SFXN5: variants seen among roughly 807,000 people sequenced by gnomAD.
The protein encoded by SFXN5 is sideroflexin 5.
In SFXN5, 43 loss-of-function variants were observed where a neutral mutation model predicts 50.2. The ratio of observed to expected loss-of-function variants is 0.86; its 90% CI spans 0.67 to 1.11. The LOEUF (loss-of-function observed/expected upper bound fraction) is 1.11, where lower values mean the gene tolerates loss of function less well. SFXN5 is among the 50% of genes least tolerant of loss of function. SFXN5 has a pLI of 0.00. For missense variants in SFXN5, 463 were observed against 454.1 expected (o/e 1.02, Z -0.18); for synonymous variants, 203 against 185.8 (o/e 1.09, Z -0.75).
Position 73,047,251 on chromosome 2 carries a change from T to A in SFXN5, c.172-6320A>T, listed in dbSNP as rs1376130410. On this transcript the variant is annotated intron_variant, in intron 2 of 13. Transcript: ENST00000272433. ...AAAAAAAAAAAAAAAAAAAAATATA[T>A]ATATATATATATATATATATATATA... 2.3e-3 allele frequency among the ~76,000 whole-genome samples: 63 copies of A among 27,576 alleles called. 1 individual carries two copies. The highest frequency in any genetic ancestry group is 4.3e-3 in the Non-Finnish European group (54 of 12,690). 18.1% of individuals were successfully genotyped at this position (27,576 alleles called of 152,430 possible). A position where few individuals can be genotyped will look rare whatever the true frequency, so the allele number is the denominator to read the frequency against.
chr2:73,051,121 T>A (rs1387571474), intron 2 of SFXN5, among the ~76,000 whole-genome samples: 2 of 152,172 alleles, frequency 1.3e-5, no homozygotes. Context: ...TCATACCTTA[T>A]CAGAAGGGTC....
chr2:73,024,891 C>T (rs906330826), intron 3 of SFXN5, among the ~76,000 whole-genome samples: 3 of 152,150 alleles, frequency 2.0e-5, no homozygotes, highest in Admixed American at 6.5e-5. Context: ...AAAATTGATA[C>T]ATTAAAGTTT....
At chr2:73,070,649 C>T (rs2106084558) in intron 1 of SFXN5, 1 of 152,148 alleles carries the variant, frequency 6.6e-6, no homozygotes, top group South Asian at 2.1e-4. Flanking sequence ...CGGCTCCGGT[C>T]TCCGGGCCCA....
Position 72,945,236 on chromosome 2 carries a change from C to T in SFXN5, c.946-137G>A. On this transcript the variant is annotated intron_variant, in intron 13 of 13. Coordinates refer to ENST00000272433, the MANE Select transcript of SFXN5 (RefSeq NM_144579.3). This position sits in a 1 kb window ranked among gnomAD's most constrained non-coding sequence, Gnocchi z 5.8. Reference sequence around the variant, plus strand: ...CCGTGTCCACCCCAGCCAGGGCTCACATGCCCTACCTAGTGACACATCTTC... The same window carrying T: ...CCGTGTCCACCCCAGCCAGGGCTCATATGCCCTACCTAGTGACACATCTTC... The T allele has an allele frequency of 1.4e-6, 1 of 736,884 alleles. No individual in the cohort carries two copies. The highest frequency in any genetic ancestry group is 2.7e-5 in the East Asian group (1 of 37,160). 45.6% of individuals were successfully genotyped at this position (736,884 alleles called of 1,614,324 possible).
chr2:72,957,534 G>C (rs1673241286), intron 13 of SFXN5, among the ~76,000 whole-genome samples: 1 of 152,202 alleles, frequency 6.6e-6, no homozygotes, highest in South Asian at 2.1e-4. Flanking sequence ...CTACCTCCGA[G>C]TCCCCTGATT....
In SFXN5 at chr2:73,001,592, A is replaced by G. The variant is rs538611598; in HGVS notation, c.358-14T>C. 1 of 1,613,986 alleles carries G rather than the reference A, an allele frequency of 6.2e-7. No homozygotes were observed. Among genetic ancestry groups the G allele is most frequent in the African/African-American group, 1.3e-5 (1 of 75,040 alleles). ...AAGACCGACTACCTATGAGCAAGAGAGAAGAAATGCTGAAAAAGGCAGAAG... is the reference window on the plus strand; with the variant it reads ...AAGACCGACTACCTATGAGCAAGAGGGAAGAAATGCTGAAAAAGGCAGAAG... On this transcript the variant is annotated splice_polypyrimidine_tract_variant and intron_variant, in intron 6 of 13. Coordinates refer to ENST00000272433, the MANE Select transcript of SFXN5 (RefSeq NM_144579.3).
intron 12 of SFXN5, among the ~76,000 whole-genome samples, chr2:72,962,282 G>GC (rs946592777): frequency 3.9e-5 from 6 of 152,182 alleles, no homozygotes; most frequent in Non-Finnish European, 5.9e-5. Context: ...CTTATCCGCC[G>GC]CCCCCAGCAG....
intron 2 of SFXN5, 113 bp from the exon 3 acceptor site, chr2:73,041,044 G>A (rs2105925103): frequency 4.2e-6 from 3 of 718,572 alleles, no homozygotes; most frequent in Non-Finnish European, 6.7e-6. Flanking sequence ...CTTTGGGCCT[G>A]CCCTCAGTTC....
chr2:73,071,674 G>A lies in SFXN5; in HGVS notation c.32C>T (p.Ala11Val), dbSNP rs759410966. 4 of 1,611,938 alleles carry A rather than the reference G, an allele frequency of 2.5e-6. No homozygotes were observed. The highest frequency in any genetic ancestry group is 1.7e-5 in the Admixed American group (1 of 59,958). Residue 11 changes from alanine (A) to valine (V), a missense_variant, in exon 1 of 14, where the codon GCG becomes GTG. Coordinates refer to ENST00000272433, the MANE Select transcript of SFXN5 (RefSeq NM_144579.3). ...CGAGGCGCTAGCGGCACTAGCCGCC[G>A]CCGCCGATGCTGTAGTCGCTGTATC... MADTATTASAAAASAASASSD... is the reference protein window; with the variant it reads MADTATTASAVAASAASASSD...
chr2:73,023,198 T>G lies in SFXN5; in HGVS notation c.266A>C (p.Lys89Thr). 1 of 1,603,888 alleles carries G rather than the reference T, an allele frequency of 6.2e-7. No homozygotes were observed. Among genetic ancestry groups the G allele is most frequent in the Non-Finnish European group, 8.5e-7 (1 of 1,174,568 alleles). ...VTNEQLWSAQ[K>T]IKQAILHPDT... ...CCAAAACTGGATTACCTGCTTGATT[T>G]TCTGTGCACTCCAGAGCTGGAAGAG... The change falls in exon 4 of 14, where the codon AAA becomes ACA. Residue 89 changes from lysine to threonine, a missense_variant. Transcript: ENST00000272433.
At position 72,953,917 on chromosome 2, in the gene SFXN5, TAG is replaced by T. The variant is rs1672802771; in HGVS notation, c.945+7212_945+7213del. 6.6e-6 allele frequency among the ~76,000 whole-genome samples: 1 copy of T among 151,872 alleles called. No individual in the cohort carries two copies. The highest frequency in any genetic ancestry group is 2.4e-5 in the African/African-American group (1 of 41,324). ...ATTTTCATCAGGGCTGGTAAGAGGG[TAG>T]AGATAGTGGAGGTTCTGGTACCCAC... On this transcript the variant is annotated intron_variant, in intron 13 of 13. Coordinates refer to ENST00000272433, the MANE Select transcript of SFXN5 (RefSeq NM_144579.3). The surrounding 1 kb of genome is among the most constrained non-coding windows in gnomAD (Gnocchi z 4.1).
intron 2 of SFXN5, 54 bp from the exon 3 acceptor site, chr2:73,040,985 A>G (rs1000577852): frequency 5.8e-6 from 9 of 1,544,616 alleles, no homozygotes; most frequent in Non-Finnish European, 7.9e-6. Flanking sequence ...GCTCCCGCAA[A>G]TTTTTCTTTT....
chr2:73,059,760 G>C (rs1574266701), intron 1 of SFXN5: 2 of 979,702 alleles, frequency 2.0e-6, no homozygotes, highest in East Asian at 2.4e-4. Context: ...ACACAGCCCA[G>C]ACCATTTTCC....
At chr2:72,998,871 C>A (rs1024576929) in intron 9 of SFXN5, 78 bp downstream of exon 9, 2 of 1,502,354 alleles carry the variant, frequency 1.3e-6, no homozygotes, top group Non-Finnish European at 1.8e-6. Context: ...GGCCCTCAGA[C>A]AAGCATCCAC....
intron 10 of SFXN5, among the ~76,000 whole-genome samples, chr2:72,985,254 G>A (rs940673476): frequency 6.6e-6 from 1 of 152,180 alleles, no homozygotes; most frequent in Non-Finnish European, 1.5e-5. Context: ...ACCTTTAACA[G>A]TGGCCCAGCC....
chr2:72,996,030 GTGCTCCTCT>G (rs1185450617), intron 9 of SFXN5, among the ~76,000 whole-genome samples: 4 of 152,170 alleles, frequency 2.6e-5, no homozygotes, highest in Non-Finnish European at 2.9e-5. Context: ...GCAGTGCCCT[GTGCTCCTCT>G]CCATGGGGGA....
At chr2:73,012,231 T>C (rs1559154234) in intron 6 of SFXN5, among the ~76,000 whole-genome samples, 1 of 152,184 alleles carries the variant, frequency 6.6e-6, no homozygotes, top group Non-Finnish European at 1.5e-5. Context: ...TGGGCAGAGA[T>C]TCGGGGTTGA....
At position 72,992,919 on chromosome 2, in the gene SFXN5, G is replaced by C. The variant is rs1479770766; in HGVS notation, c.535-4571C>G. On this transcript the variant is annotated intron_variant, in intron 9 of 13. Coordinates refer to ENST00000272433, the MANE Select transcript of SFXN5 (RefSeq NM_144579.3). This position sits in a 1 kb window ranked among gnomAD's most constrained non-coding sequence, Gnocchi z 4.5. The stretch of plus-strand genomic sequence containing the variant: ...GGCTACCTGTATGAGGAGGTGCCGT[G>C]AGGGAGTGGGCCCAAGGGTCATGAA... Among the ~76,000 whole-genome samples, 2 of 152,218 alleles carry C rather than the reference G, an allele frequency of 1.3e-5. No individual in the cohort carries two copies. The highest frequency in any genetic ancestry group is 1.5e-5 in the Non-Finnish European group (1 of 68,048).
At chr2:73,043,901 C>G (rs534125429) in intron 2 of SFXN5, among the ~76,000 whole-genome samples, 16 of 152,296 alleles carry the variant, frequency 1.1e-4, no homozygotes, top group African/African-American at 3.6e-4. Context: ...CTTAAGGTCA[C>G]ACAAATAAGT....
Sources: gnomAD v4.1 joint callset for allele counts (sites outside exome capture counted in the v4.1 genomes callset) on GRCh38, gnomAD v4.1.1 for gene constraint, Gnocchi (gnomAD v3.1) non-coding constraint, MANE v1.5 for transcripts, NCBI Gene and HGNC (gene_info 2026-07-23, HGNC 2026-07-21) for gene names.